BRD7: variants seen among roughly 807,000 people sequenced by gnomAD.
The protein encoded by BRD7 is bromodomain-containing protein 7.
In BRD7, 15 loss-of-function variants were observed where a neutral mutation model predicts 82.1. The ratio of observed to expected loss-of-function variants is 0.18; its 90% confidence interval spans 0.12 to 0.28. The LOEUF (loss-of-function observed/expected upper bound fraction) is 0.28. Ranked by LOEUF, BRD7 falls within the 10% of genes least tolerant of loss-of-function variation. BRD7 has a pLI of 1.00. For missense variants in BRD7, 638 were observed against 779.9 expected, an observed-to-expected ratio of 0.82 and a Z score of 2.17; for synonymous variants, 232 against 266.9, an observed-to-expected ratio of 0.87 and a Z score of 1.27.
chr16:50,357,272 A>G (rs866052262), intron 2 of BRD7, among the ~76,000 whole-genome samples: 1 of 152,168 alleles, frequency 6.6e-6, no homozygotes, highest in South Asian at 2.1e-4. Flanking sequence ...AGAATCACTG[A>G]TCTAGAGCTC....
At chr16:50,335,767 A>C (rs1199310162) in intron 6 of BRD7, among the ~76,000 whole-genome samples, 1 of 152,202 alleles carries the variant, frequency 6.6e-6, no homozygotes, top group African/African-American at 2.4e-5. Flanking sequence ...AAGGTCACTA[A>C]ACCAGCAACT....
chr16:50,333,942 TG>T (rs1285947072), intron 7 of BRD7, among the ~76,000 whole-genome samples: 1 of 152,226 alleles, frequency 6.6e-6, no homozygotes, highest in Non-Finnish European at 1.5e-5. Flanking sequence ...AACGTTTTTC[TG>T]GGAACTTACA....
intron 4 of BRD7, among the ~76,000 whole-genome samples, chr16:50,353,275 G>A (rs955493055): frequency 6.6e-6 from 1 of 151,990 alleles, no homozygotes; most frequent in Admixed American, 6.5e-5. Flanking sequence ...ATGTTGCCCA[G>A]GCTGGTCTTA....
At position 50,323,666 on chromosome 16, in the gene BRD7, T is replaced by A; in HGVS notation, c.1364A>T (p.Tyr455Phe). The change falls in exon 12 of 17, where the codon TAT (tyrosine) becomes TTT (phenylalanine). Residue 455 changes from tyrosine (Y) to phenylalanine (F), a missense_variant. By Grantham distance (22) the Tyr-to-Phe change is conservative (BLOSUM62 3). This residue lies in a region of BRD7 where 402 missense variants were observed against 500.8 expected (regional missense o/e 0.80). Transcript: ENST00000394688. Reference protein sequence around the residue: ...IHEFLATCQDYPYVMADSLLD... With the variant: ...IHEFLATCQDFPYVMADSLLD... ...TAAACTATCTGCCATGACATACGGATAATCTTGGCACGTGGCCAAAAACTC... is the reference window on the plus strand; with the variant it reads ...TAAACTATCTGCCATGACATACGGAAAATCTTGGCACGTGGCCAAAAACTC... The A allele has an allele frequency of 1.9e-6, 3 of 1,613,864 alleles. No individual in the cohort carries two copies. Among genetic ancestry groups the A allele is most frequent in the Non-Finnish European group, 2.5e-6 (3 of 1,179,772 alleles).
intron 5 of BRD7, among the ~76,000 whole-genome samples, chr16:50,341,600 G>T (rs1204634498): frequency 7.0e-6 from 1 of 143,196 alleles, no homozygotes; most frequent in Non-Finnish European, 1.5e-5. Flanking sequence ...CCAAGATCAT[G>T]CCACTGCACT....
chr16:50,354,243 C>A (rs1385694856), intron 4 of BRD7, among the ~76,000 whole-genome samples, 182 bp downstream of exon 4: 1 of 152,318 alleles, frequency 6.6e-6, no homozygotes, highest in East Asian at 1.9e-4. Flanking sequence ...GCCAGGGAAA[C>A]AAACCAAATA....
At chr16:50,334,623 C>A in intron 7 of BRD7, 88 bp downstream of exon 7, 3 of 1,475,150 alleles carry the variant, frequency 2.0e-6, no homozygotes, top group Non-Finnish European at 2.7e-6. Flanking sequence ...AGCACTTGGT[C>A]TTCCCAAGTC....
intron 6 of BRD7, among the ~76,000 whole-genome samples, chr16:50,338,359 A>C (rs1335377976): frequency 6.6e-6 from 1 of 152,234 alleles, no homozygotes; most frequent in African/African-American, 2.4e-5. Flanking sequence ...AGAATAATCA[A>C]CAATCCAAAC....
At chr16:50,339,552 C>T (rs918581204) in intron 6 of BRD7, among the ~76,000 whole-genome samples, 4 of 152,190 alleles carry the variant, frequency 2.6e-5, no homozygotes, top group East Asian at 3.8e-4. Context: ...TCTGTATATA[C>T]AGTATTATGC....
intron 5 of BRD7, among the ~76,000 whole-genome samples, chr16:50,341,040 C>G (rs2038026266): frequency 6.6e-6 from 1 of 152,038 alleles, no homozygotes; most frequent in Non-Finnish European, 1.5e-5. Context: ...GTACGTAAGA[C>G]TGAGTGAAGG....
intron 2 of BRD7, among the ~76,000 whole-genome samples, chr16:50,366,417 T>A (rs1370649926): frequency 2.0e-5 from 3 of 152,198 alleles, no homozygotes; most frequent in African/African-American, 4.8e-5. Context: ...AGAACTCAAA[T>A]GAGTTTCATA....
chr16:50,368,000 T>C, intron 2 of BRD7, 90 bp downstream of exon 2: 1 of 1,343,104 alleles, frequency 7.4e-7, no homozygotes, highest in African/African-American at 1.5e-5. Flanking sequence ...GAGGCGTTTG[T>C]TTTCCCCAGA....
intron 6 of BRD7, 68 bp downstream of exon 6, chr16:50,339,907 AT>A: frequency 1.1e-6 from 1 of 879,860 alleles, no homozygotes; most frequent in Non-Finnish European, 1.8e-6. Flanking sequence ...TTGTATCTGT[AT>A]TACTATGGCC....
intron 5 of BRD7, 57 bp from the exon 6 acceptor site, chr16:50,340,143 C>T: frequency 1.0e-6 from 1 of 954,858 alleles, no homozygotes; most frequent in Non-Finnish European, 1.5e-6. Context: ...CTACCCTGCA[C>T]CCCCAGGTTG....
chr16:50,351,830 C>CA (rs879783166), intron 4 of BRD7, among the ~76,000 whole-genome samples: 36,095 of 151,682 alleles, frequency 0.24, 4,943 homozygotes, highest in African/African-American at 0.36. Context: ...TTCGGTGTAT[C>CA]CTTGTATGTA....
chr16:50,328,065 TCTC>T (rs1265029121), intron 9 of BRD7, among the ~76,000 whole-genome samples: 2 of 152,266 alleles, frequency 1.3e-5, no homozygotes, highest in Admixed American at 6.5e-5. Context: ...TACATGATTC[TCTC>T]CTCAGACCAG....
chr16:50,323,739 C>T (rs1453290517), intron 11 of BRD7, 41 bp from the exon 12 acceptor site: 2 of 1,473,350 alleles, frequency 1.4e-6, no homozygotes. Flanking sequence ...AAATCACCTC[C>T]ACTGGCTTTA....
At chr16:50,352,300 T>C (rs2038559570) in intron 4 of BRD7, among the ~76,000 whole-genome samples, 1 of 152,260 alleles carries the variant, frequency 6.6e-6, no homozygotes, top group Non-Finnish European at 1.5e-5. Flanking sequence ...GATCGTGCAG[T>C]ATTTGTTCTT....
At chr16:50,328,765 C>T in intron 8 of BRD7, 21 bp from the exon 9 acceptor site, 9 of 1,609,538 alleles carry the variant, frequency 5.6e-6, no homozygotes, top group Non-Finnish European at 7.6e-6. Flanking sequence ...CCAAAGTATT[C>T]AGATGGAATG....
Sources: gnomAD v4.1 joint callset for allele counts (sites outside exome capture counted in the v4.1 genomes callset) on GRCh38, gnomAD v4.1.1 for gene constraint, gnomAD v4.1.1 regional missense constraint, MANE v1.5 for transcripts, NCBI Gene and HGNC (gene_info 2026-07-23, HGNC 2026-07-21) for gene names.